ARHGAP25: variants seen among roughly 807,000 people sequenced by gnomAD.
The protein encoded by ARHGAP25 is rho GTPase-activating protein 25.
In ARHGAP25, 34 loss-of-function variants were observed where a neutral mutation model predicts 71.0. The ratio of observed to expected loss-of-function variants is 0.48; its 90% CI spans 0.36 to 0.64. The LOEUF (loss-of-function observed/expected upper bound fraction) is 0.64. Among genes scored for constraint, ARHGAP25 ranks in the 30% least tolerant of loss-of-function variants. ARHGAP25 has a pLI of 0.00. For synonymous variants in ARHGAP25, 282 were observed against 296.5 expected (o/e 0.95, Z 0.50); for missense variants, 706 against 805.1 (o/e 0.88, Z 1.49).
intron 4 of ARHGAP25, among the ~76,000 whole-genome samples, chr2:68,792,731 A>C (rs1398950366): frequency 6.6e-6 from 1 of 152,220 alleles, no homozygotes; most frequent in Non-Finnish European, 1.5e-5. Flanking sequence ...TCATGTGAGA[A>C]ACATTCAAGT....
At chr2:68,780,709 C>G (rs1330696221) in intron 2 of ARHGAP25, among the ~76,000 whole-genome samples, 6 of 151,844 alleles carry the variant, frequency 4.0e-5, no homozygotes, top group African/African-American at 1.5e-4. Context: ...CCTCCTCTTC[C>G]TTCTTGTCTT....
intron 4 of ARHGAP25, among the ~76,000 whole-genome samples, chr2:68,801,516 C>T (rs112147814): frequency 6.6e-6 from 1 of 152,194 alleles, no homozygotes; most frequent in Non-Finnish European, 1.5e-5. Flanking sequence ...CAGAGAATTT[C>T]ATCTCAGATT....
intron 1 of ARHGAP25, among the ~76,000 whole-genome samples, chr2:68,756,580 CA>C (rs1310600537): frequency 6.6e-6 from 1 of 152,180 alleles, no homozygotes; most frequent in African/African-American, 2.4e-5. Flanking sequence ...GGGGAAGGTG[CA>C]GCCTCAGAAA....
Position 68,763,488 on chromosome 2 carries a change from G to C in ARHGAP25, c.62-11733G>C, listed in dbSNP as rs563064147. On this transcript the variant is annotated intron_variant, in intron 1 of 10. Coordinates refer to ENST00000409202, the MANE Select transcript of ARHGAP25 (RefSeq NM_001007231.3). The stretch of plus-strand genomic sequence containing the variant: ...TTCTTCCCTCCCCTTTTTTCGGTTT[G>C]AGATACACTTTAACACCTAAGAATG... Among the ~76,000 whole-genome samples the C allele has an allele frequency of 3.9e-5, 6 of 152,004 alleles. No homozygotes were observed. The South Asian group carries it at 8.3e-4, about 21-fold the overall frequency.
chr2:68,779,514 A>C (rs896642800), intron 2 of ARHGAP25, among the ~76,000 whole-genome samples: 11 of 152,216 alleles, frequency 7.2e-5, no homozygotes, highest in Admixed American at 6.5e-4. Context: ...TTAAGTTCTC[A>C]TGAGCCAATA....
intron 4 of ARHGAP25, among the ~76,000 whole-genome samples, chr2:68,792,356 C>T (rs1679239129): frequency 6.6e-6 from 1 of 152,174 alleles, no homozygotes; most frequent in Non-Finnish European, 1.5e-5. Context: ...TACCCATCAT[C>T]CAGATAACAC....
chr2:68,714,863 T>C (rs1439878571), intron 2 of ARHGAP25, among the ~76,000 whole-genome samples: 1 of 152,216 alleles, frequency 6.6e-6, no homozygotes, highest in Non-Finnish European at 1.5e-5. Flanking sequence ...AAAAAGTATT[T>C]TTTATTAAAA....
intron 2 of ARHGAP25, among the ~76,000 whole-genome samples, chr2:68,715,563 G>A (rs1263569667): frequency 6.6e-6 from 1 of 152,106 alleles, no homozygotes; most frequent in Admixed American, 6.5e-5. Context: ...AGAGTAAGAG[G>A]CATTGCACCG....
At chr2:68,785,332 G>A (rs1279819395) in intron 3 of ARHGAP25, among the ~76,000 whole-genome samples, 1 of 152,174 alleles carries the variant, frequency 6.6e-6, no homozygotes, top group Non-Finnish European at 1.5e-5. Flanking sequence ...TCAGTGAGGA[G>A]GCTTTTGCAA....
intron 4 of ARHGAP25, among the ~76,000 whole-genome samples, chr2:68,793,902 A>G (rs1004325097): frequency 3.3e-5 from 5 of 152,262 alleles, no homozygotes; most frequent in African/African-American, 9.6e-5. Flanking sequence ...TTCCCAATGC[A>G]TGAGCATGGG....
upstream of ARHGAP25, among the ~76,000 whole-genome samples, chr2:68,733,485 A>G (rs1026784179): frequency 6.6e-6 from 1 of 152,216 alleles, no homozygotes; most frequent in African/African-American, 2.4e-5. Flanking sequence ...GGTGGCATCC[A>G]GAGAGATTTT....
intron 4 of ARHGAP25, among the ~76,000 whole-genome samples, chr2:68,797,659 C>G (rs1032359335): frequency 5.3e-5 from 8 of 152,320 alleles, no homozygotes; most frequent in Admixed American, 5.2e-4. Flanking sequence ...CCAAGTTCTC[C>G]CATGCACAGC....
At chr2:68,798,329 G>A (rs1308991808) in intron 4 of ARHGAP25, among the ~76,000 whole-genome samples, 4 of 152,138 alleles carry the variant, frequency 2.6e-5, no homozygotes, top group Non-Finnish European at 4.4e-5. Flanking sequence ...AGCTACATTT[G>A]ATATTAAAAT....
intron 5 of ARHGAP25, among the ~76,000 whole-genome samples, chr2:68,812,419 TTCAG>T (rs1331160442): frequency 2.0e-5 from 3 of 152,158 alleles, no homozygotes; most frequent in African/African-American, 7.2e-5. Flanking sequence ...CCGTGCCTCT[TTCAG>T]TCAATCAGGC....
chr2:68,776,593 G>T (rs1043148961), intron 2 of ARHGAP25, among the ~76,000 whole-genome samples: 6 of 152,148 alleles, frequency 3.9e-5, no homozygotes, highest in African/African-American at 9.7e-5. Context: ...TTGGGCCTAG[G>T]TCTCTTCGGC....
chr2:68,778,836 C>A (rs1040152784), intron 2 of ARHGAP25, among the ~76,000 whole-genome samples: 4 of 152,188 alleles, frequency 2.6e-5, no homozygotes, highest in Non-Finnish European at 5.9e-5. Context: ...GTATGATAGA[C>A]TTTCCTGTAT....
chr2:68,781,594 G>A (rs1247247643), intron 2 of ARHGAP25, among the ~76,000 whole-genome samples: 4 of 152,220 alleles, frequency 2.6e-5, no homozygotes, highest in Admixed American at 2.0e-4. Flanking sequence ...ATGGTGAAGA[G>A]CACTGGCTTT....
chr2:68,810,513 G>C (rs886146617), intron 5 of ARHGAP25, among the ~76,000 whole-genome samples: 9 of 152,282 alleles, frequency 5.9e-5, no homozygotes, highest in African/African-American at 2.2e-4. Flanking sequence ...CTTTCTGTAA[G>C]TTTCAGTGTT....
chr2:68,751,960 C>A (rs537074274), intron 1 of ARHGAP25, among the ~76,000 whole-genome samples: 1 of 152,282 alleles, frequency 6.6e-6, no homozygotes, highest in East Asian at 1.9e-4. Context: ...CATGGGCTTC[C>A]GTTGGCGCTA....
Sources: gnomAD v4.1 joint callset for allele counts (sites outside exome capture counted in the v4.1 genomes callset) on GRCh38, gnomAD v4.1.1 for gene constraint, MANE v1.5 for transcripts, NCBI Gene and HGNC (gene_info 2026-07-23, HGNC 2026-07-21) for gene names.